The following PTPN4 variants were observed in gnomAD, a reference collection of about 807,000 sequenced individuals.
PTPN4 encodes the protein tyrosine-protein phosphatase non-receptor type 4.
A neutral mutation model predicts 135.5 loss-of-function variants in PTPN4; 49 were observed. The ratio of observed to expected loss-of-function variants is 0.36; its 90% CI spans 0.29 to 0.46. The LOEUF is 0.46. PTPN4 is among the 20% of genes least tolerant of loss of function. The probability of loss-of-function intolerance (pLI) is 1.00; values close to 1 mark genes in which losing one functional copy is unlikely to be tolerated. For missense variants in PTPN4, 860 were observed against 1,101.0 expected, an observed-to-expected ratio of 0.78 and a Z score of 3.10; for synonymous variants, 333 against 369.9, an observed-to-expected ratio of 0.90 and a Z score of 1.14.
At chr2:119,962,172 C>T (rs1679375218) in intron 23 of PTPN4, among the ~76,000 whole-genome samples, 5 of 152,006 alleles carry the variant, frequency 3.3e-5, no homozygotes, top group Non-Finnish European at 2.9e-5. Flanking sequence ...GAAAAAATGT[C>T]GGCTGGGCGC....
chr2:119,941,464 A>T (rs2105044574), intron 15 of PTPN4, among the ~76,000 whole-genome samples: 1 of 151,628 alleles, frequency 6.6e-6, no homozygotes, highest in South Asian at 2.1e-4. Flanking sequence ...GTATGTATAC[A>T]GTTTGGTTAT....
At chr2:119,969,720 T>C (rs1351661364) in intron 26 of PTPN4, among the ~76,000 whole-genome samples, 2 of 151,186 alleles carry the variant, frequency 1.3e-5, no homozygotes, top group Admixed American at 1.3e-4. Context: ...CACCATGCCC[T>C]GCTAATTTTT....
chr2:119,844,640 A>G (rs1037292711), intron 2 of PTPN4, among the ~76,000 whole-genome samples: 7 of 149,430 alleles, frequency 4.7e-5, no homozygotes, highest in Non-Finnish European at 8.9e-5. Flanking sequence ...GGCGCTCCCC[A>G]CATCTCAGAG....
At chr2:119,919,997 A>G in intron 11 of PTPN4, 72 bp from the exon 12 acceptor site, 1 of 1,517,566 alleles carries the variant, frequency 6.6e-7, no homozygotes. Flanking sequence ...TTTATCTGTC[A>G]AAAGTAAATT....
At chr2:119,890,976 C>T (rs1483240554) in intron 9 of PTPN4, among the ~76,000 whole-genome samples, 3 of 152,050 alleles carry the variant, frequency 2.0e-5, no homozygotes, top group Admixed American at 6.5e-5. Context: ...GTGGGATTTT[C>T]TTTATAGGTG....
chr2:119,765,730 A>G (rs563778119), intron 1 of PTPN4, among the ~76,000 whole-genome samples: 1 of 152,366 alleles, frequency 6.6e-6, no homozygotes, highest in East Asian at 1.9e-4. Context: ...ATCTGGGGAA[A>G]AGAAGTGGCA....
At chr2:119,825,561 T>A (rs1286357954) in intron 2 of PTPN4, among the ~76,000 whole-genome samples, 3 of 150,218 alleles carry the variant, frequency 2.0e-5, no homozygotes, top group Non-Finnish European at 4.4e-5. Context: ...ACTGGTGTGA[T>A]CTCTGCTCAC....
chr2:119,869,838 C>T (rs995247058), intron 3 of PTPN4, among the ~76,000 whole-genome samples: 3 of 152,076 alleles, frequency 2.0e-5, no homozygotes, highest in African/African-American at 4.8e-5. Flanking sequence ...TTTAAAAGAT[C>T]GAATGTTGAC....
chr2:119,885,040 G>A (rs908832710), intron 8 of PTPN4, among the ~76,000 whole-genome samples: 1 of 152,076 alleles, frequency 6.6e-6, no homozygotes, highest in Non-Finnish European at 1.5e-5. Flanking sequence ...GTGTTTATAA[G>A]AATCACTTGG....
At chr2:119,853,061 G>A (rs1244213481) in intron 2 of PTPN4, among the ~76,000 whole-genome samples, 1 of 152,218 alleles carries the variant, frequency 6.6e-6, no homozygotes, top group African/African-American at 2.4e-5. Flanking sequence ...TCTTGTGAAT[G>A]TTGATGGATG....
intron 15 of PTPN4, among the ~76,000 whole-genome samples, chr2:119,941,502 C>T (rs542173121): frequency 5.9e-5 from 9 of 151,672 alleles, no homozygotes; most frequent in African/African-American, 1.9e-4. Flanking sequence ...AAAAGGGAAA[C>T]AGTTACAGGG....
In PTPN4 at chr2:119,794,126, G is replaced by A. The variant is rs530868844; in HGVS notation, c.-17-15711G>A. Among the ~76,000 whole-genome samples the A allele has an allele frequency of 1.6e-3, 244 of 152,018 alleles. 3 individuals carry two copies. The highest frequency in any genetic ancestry group is 5.8e-3 in the African/African-American group (241 of 41,484). Reference sequence around the variant, plus strand: ...GCCTCCCAAAGTGCTGGTATTATAGGTTTGAGTCGCTGCACCTGGCCAGAT... The same window carrying A: ...GCCTCCCAAAGTGCTGGTATTATAGATTTGAGTCGCTGCACCTGGCCAGAT... On this transcript the variant is annotated intron_variant, in intron 1 of 26. Coordinates refer to ENST00000263708, the MANE Select transcript of PTPN4 (RefSeq NM_002830.4).
rs1013559047 is a variant in PTPN4 at position 119,932,425 on chromosome 2, T to C, written c.1072T>C (p.Ser358Pro). Residue 358 changes from serine (S) to proline (P), a missense_variant and splice_region_variant, in exon 14 of 27, where the codon TCC (serine) becomes CCC (proline). By Grantham distance (74) the Ser-to-Pro change is moderately conservative. This residue lies in a region of PTPN4 where 684 missense variants were observed against 807.0 expected (regional missense o/e 0.85). Coordinates refer to ENST00000263708, the MANE Select transcript of PTPN4 (RefSeq NM_002830.4). ...ATATTATTTAATTTATTTCTGCAGA[T>C]CCCCAAGTAAGCCCTTGGCACGGAA... ...KANKDRVFAR[S>P]PSKPLARKLM... The C allele has an allele frequency of 1.9e-6, 3 of 1,602,050 alleles. No homozygotes were observed. In the African/African-American group the frequency reaches 4.0e-5, roughly 22 times the overall value.
chr2:119,809,840 TTGTG>T lies in PTPN4; in HGVS notation c.-11_-8del. On this transcript the variant is annotated 5_prime_UTR_variant, in exon 2 of 27. Transcript: ENST00000263708. ...AATTTTTTTTTTTTTAACTTAGACT[TTGTG>T]TGGACAGTAATGACCTCACGTTTCC... is the stretch of plus-strand genomic sequence containing the variant. 1 of 1,573,576 alleles carries T rather than the reference TTGTG, an allele frequency of 6.4e-7. No homozygotes were observed. The highest frequency in any genetic ancestry group is 8.6e-7 in the Non-Finnish European group (1 of 1,166,854).
chr2:119,781,123 TC>T (rs1690928628), intron 1 of PTPN4, among the ~76,000 whole-genome samples: 1 of 152,172 alleles, frequency 6.6e-6, no homozygotes, highest in African/African-American at 2.4e-5. Flanking sequence ...CTTTGACTAG[TC>T]CTCAGTTAGA....
intron 1 of PTPN4, among the ~76,000 whole-genome samples, chr2:119,794,713 C>G (rs1353576047): frequency 6.6e-6 from 1 of 152,122 alleles, no homozygotes; most frequent in African/African-American, 2.4e-5. Flanking sequence ...TTCTGTCCTT[C>G]TTGTCACCTG....
chr2:119,907,079 A>C (rs1024120799), intron 10 of PTPN4, among the ~76,000 whole-genome samples: 7 of 152,232 alleles, frequency 4.6e-5, no homozygotes, highest in African/African-American at 1.7e-4. Flanking sequence ...TGTTACACTT[A>C]GGAATAAACC....
At chr2:119,848,388 T>A (rs1393907274) in intron 2 of PTPN4, among the ~76,000 whole-genome samples, 1 of 152,072 alleles carries the variant, frequency 6.6e-6, no homozygotes, top group Non-Finnish European at 1.5e-5. Context: ...TTAGCCAGGA[T>A]GGTCTCAATC....
At chr2:119,955,374 A>G in intron 20 of PTPN4, 51 bp downstream of exon 20, 1 of 1,371,868 alleles carries the variant, frequency 7.3e-7, no homozygotes. Flanking sequence ...TTTGCTAACT[A>G]GTTTCATAGT....
Sources: allele counts gnomAD v4.1 joint callset (sites outside exome capture counted in the v4.1 genomes callset), GRCh38; gene constraint gnomAD v4.1.1; regional missense constraint gnomAD v4.1.1; transcripts MANE v1.5; gene names NCBI Gene and HGNC (gene_info 2026-07-23, HGNC 2026-07-21).